LRP12: variants seen among roughly 807,000 people sequenced by gnomAD.
LRP12 encodes the protein LDL receptor related protein 12.
A neutral mutation model predicts 66.0 loss-of-function variants in LRP12; 14 were observed. That is an observed-to-expected ratio of 0.21 (90% CI 0.14 to 0.33). The LOEUF (loss-of-function observed/expected upper bound fraction) is 0.33. LRP12 is among the 10% of genes least tolerant of loss of function. The pLI is 1.00. For synonymous variants in LRP12, 357 were observed against 359.1 expected (o/e 0.99, Z 0.07); for missense variants, 889 against 1,053.4 (o/e 0.84, Z 2.16).
chr8:104,543,790 C>T (rs989697008), intron 1 of LRP12, among the ~76,000 whole-genome samples: 2 of 152,022 alleles, frequency 1.3e-5, no homozygotes, highest in African/African-American at 2.4e-5. Flanking sequence ...GGCGTGGTGG[C>T]GCATGCCTGT....
chr8:104,520,341 C>T (rs1158332102), intron 2 of LRP12, among the ~76,000 whole-genome samples: 1 of 151,836 alleles, frequency 6.6e-6, no homozygotes. Flanking sequence ...CTACAGAAGA[C>T]TAAAATGCTA....
Position 104,497,220 on chromosome 8 carries a change from A to T in LRP12, c.1332T>A (p.Asp444Glu). The T allele has an allele frequency of 6.2e-7, 1 of 1,612,976 alleles. No individual in the cohort carries two copies. The highest frequency in any genetic ancestry group is 8.5e-7 in the Non-Finnish European group (1 of 1,179,552). ...NYQNHCPNGS[D>E]EKNCFFCQPG... The stretch of plus-strand genomic sequence containing the variant: ...GTTGGCAAAAAAAGCAGTTTTTTTC[A>T]TCTGAGCCATTTGGGCAATGATTCT... Residue 444 changes from aspartate (D) to glutamate (E), a missense_variant, in exon 5 of 7, where the codon GAT becomes GAA. Asp to Glu is a conservative substitution (Grantham distance 45, BLOSUM62 2). Transcript: ENST00000276654. The surrounding 1 kb of genome is among the most constrained non-coding windows in gnomAD (Gnocchi z 4.3).
intron 6 of LRP12, among the ~76,000 whole-genome samples, chr8:104,493,106 TAA>T (rs1266927382): frequency 6.6e-6 from 1 of 152,236 alleles, no homozygotes; most frequent in East Asian, 1.9e-4. Context: ...TCTATTTAGT[TAA>T]AAGTCAGTTA....
intron 1 of LRP12, among the ~76,000 whole-genome samples, chr8:104,575,805 A>G (rs776126379): frequency 6.6e-5 from 10 of 152,098 alleles, no homozygotes; most frequent in Non-Finnish European, 1.2e-4. Flanking sequence ...AAATTTGAAT[A>G]TGAATAGTAA....
At chr8:104,535,183 A>AT (rs1253723056) in intron 1 of LRP12, among the ~76,000 whole-genome samples, 12 of 151,986 alleles carry the variant, frequency 7.9e-5, no homozygotes, top group Admixed American at 5.3e-4. Context: ...TGTTATAACA[A>AT]TTTTTTGGTC....
intron 1 of LRP12, among the ~76,000 whole-genome samples, chr8:104,539,906 A>G (rs1338915743): frequency 6.6e-6 from 1 of 151,382 alleles, no homozygotes; most frequent in Non-Finnish European, 1.5e-5. Flanking sequence ...ATGCAAATAC[A>G]TATTTTTTTA....
intron 1 of LRP12, among the ~76,000 whole-genome samples, chr8:104,580,266 C>G (rs1812224952): frequency 6.6e-6 from 1 of 151,550 alleles, no homozygotes; most frequent in Non-Finnish European, 1.5e-5. Flanking sequence ...CCTGTAATCC[C>G]AGCACTTTGG....
rs1254777230 is a variant in LRP12, at chr8:104,548,362, TATATAA to T, written c.80-16405_80-16400del. Among the ~76,000 whole-genome samples the T allele has an allele frequency of 4.8e-4, 25 of 52,264 alleles. 3 individuals are homozygous for T. The highest frequency in any genetic ancestry group is 3.4e-3 in the African/African-American group (25 of 7,254). 34.3% of individuals were successfully genotyped at this position (52,264 alleles called of 152,430 possible). On this transcript the variant is annotated intron_variant, in intron 1 of 6. Coordinates refer to ENST00000276654, the MANE Select transcript of LRP12 (RefSeq NM_013437.5). ...AAATATATAAATATATAATATATAT[TATATAA>T]ATATATTATATAAATATATAATATA...
intron 2 of LRP12, among the ~76,000 whole-genome samples, chr8:104,511,030 C>CTTTTTT (rs11350393): frequency 5.0e-4 from 27 of 54,362 alleles, no homozygotes; most frequent in African/African-American, 1.6e-3. Flanking sequence ...GGAAAAATGA[C>CTTTTTT]TTTTTTTTTT....
chr8:104,529,369 C>T (rs538602413), intron 2 of LRP12, among the ~76,000 whole-genome samples: 15 of 152,186 alleles, frequency 9.9e-5, no homozygotes, highest in African/African-American at 2.6e-4. Context: ...TTACCTAGAA[C>T]GGGACGTCTT....
chr8:104,574,584 G>A (rs1424864898), intron 1 of LRP12, among the ~76,000 whole-genome samples: 3 of 152,146 alleles, frequency 2.0e-5, no homozygotes, highest in Non-Finnish European at 4.4e-5. Context: ...CACAGGACAT[G>A]TTTACATACA....
At chr8:104,583,735 CACA>C (rs1812289856) in intron 1 of LRP12, among the ~76,000 whole-genome samples, 2 of 152,108 alleles carry the variant, frequency 1.3e-5, no homozygotes, top group Admixed American at 1.3e-4. Flanking sequence ...TCAGTTAAGT[CACA>C]ATATTTCTGT....
chr8:104,559,413 C>A (rs749770696), intron 1 of LRP12, among the ~76,000 whole-genome samples: 1 of 151,810 alleles, frequency 6.6e-6, no homozygotes, highest in Non-Finnish European at 1.5e-5. Context: ...TATGAGGGCT[C>A]AAAGGCATAA....
intron 1 of LRP12, among the ~76,000 whole-genome samples, chr8:104,584,427 A>G (rs1481179663): frequency 2.0e-5 from 3 of 152,102 alleles, no homozygotes; most frequent in Admixed American, 6.5e-5. Context: ...AAACACAAAA[A>G]GGCCCTCTTG....
intron 6 of LRP12, among the ~76,000 whole-genome samples, chr8:104,494,807 C>A (rs1316610536): frequency 6.6e-6 from 1 of 152,044 alleles, no homozygotes; most frequent in Non-Finnish European, 1.5e-5. Flanking sequence ...AAATAATTTG[C>A]CAAGCTTAAT....
intron 3 of LRP12, chr8:104,507,468 G>T (rs1016919401): frequency 1.3e-5 from 2 of 152,070 alleles, no homozygotes; most frequent in Admixed American, 6.6e-5. Flanking sequence ...CTCTGTGCTG[G>T]TAAGATTTTC....
intron 2 of LRP12, among the ~76,000 whole-genome samples, chr8:104,512,639 A>C: frequency 6.6e-6 from 1 of 152,154 alleles, no homozygotes; most frequent in East Asian, 1.9e-4. Flanking sequence ...CCTTTGACTA[A>C]ATCGATAGAA....
intron 3 of LRP12, chr8:104,507,674 A>C (rs1810929112): frequency 6.6e-6 from 1 of 152,236 alleles, no homozygotes; most frequent in African/African-American, 2.4e-5. Flanking sequence ...CCTGTTACAG[A>C]AAGATAACCT....
chr8:104,531,438 G>T (rs1291848714), intron 2 of LRP12, among the ~76,000 whole-genome samples: 1 of 152,008 alleles, frequency 6.6e-6, no homozygotes, highest in African/African-American at 2.4e-5. Context: ...TGAATTTCAT[G>T]GACACAAGTA....
Sources: allele counts gnomAD v4.1 joint callset (sites outside exome capture counted in the v4.1 genomes callset), GRCh38; gene constraint gnomAD v4.1.1; non-coding constraint Gnocchi (gnomAD v3.1); transcripts MANE v1.5; gene names NCBI Gene and HGNC (gene_info 2026-07-23, HGNC 2026-07-21).